Variants in METAP2 observed in about 807,000 individuals in gnomAD.
METAP2 encodes the protein methionyl aminopeptidase 2.
Under a neutral mutation model 59.4 loss-of-function variants are expected in METAP2, and 25 were observed. The ratio of observed to expected loss-of-function variants is 0.42; its 90% confidence interval spans 0.31 to 0.59. The LOEUF is 0.59. METAP2 is among the 20% of genes least tolerant of loss of function. The pLI is 0.16. For missense variants in METAP2, 366 were observed against 581.2 expected, an observed-to-expected ratio of 0.63 and a Z score of 3.81; for synonymous variants, 214 against 194.1, an observed-to-expected ratio of 1.10 and a Z score of -0.85.
At chr12:95,510,636 C>T (rs2076395575) in intron 8 of METAP2, among the ~76,000 whole-genome samples, 1 of 152,190 alleles carries the variant, frequency 6.6e-6, no homozygotes, top group South Asian at 2.1e-4. Context: ...TTGGGGGATA[C>T]ATTCAAACCA....
intron 2 of METAP2, among the ~76,000 whole-genome samples, chr12:95,479,172 A>G (rs994963873): frequency 6.6e-6 from 1 of 152,220 alleles, no homozygotes; most frequent in Admixed American, 6.5e-5. Flanking sequence ...GGCAAGGAGG[A>G]GATCATTTTG....
intron 7 of METAP2, among the ~76,000 whole-genome samples, chr12:95,500,891 A>T (rs1000942871): frequency 1.3e-5 from 2 of 152,016 alleles, no homozygotes; most frequent in African/African-American, 4.8e-5. Flanking sequence ...TCATGTAATG[A>T]CTTAGAAAGT....
chr12:95,512,837 A>G lies in METAP2; in HGVS notation c.1105A>G (p.Thr369Ala). 1 of 1,612,688 alleles carries G rather than the reference A, an allele frequency of 6.2e-7. No homozygotes were observed. Among genetic ancestry groups the G allele is most frequent in the Non-Finnish European group, 8.5e-7 (1 of 1,178,896 alleles). The change falls in exon 10 of 11, where the codon ACA becomes GCA. Residue 369 changes from threonine to alanine, a missense_variant. Physicochemically the swap from Thr to Ala is moderately conservative, Grantham distance 58. This residue lies in a region of METAP2 where 82 missense variants were observed against 156.2 expected (regional missense o/e 0.52). Coordinates refer to ENST00000323666, the MANE Select transcript of METAP2 (RefSeq NM_006838.4). ...EVYAIETFGS[T>A]GKGVVHDDME... ...ATATGCAATTGAAACCTTTGGTAGTACAGGAAAAGGTGTTGTTCATGATGA... is the reference window on the plus strand; with the variant it reads ...ATATGCAATTGAAACCTTTGGTAGTGCAGGAAAAGGTGTTGTTCATGATGA...
intron 8 of METAP2, among the ~76,000 whole-genome samples, chr12:95,509,792 A>C (rs1465182132): frequency 6.6e-6 from 1 of 151,140 alleles, no homozygotes; most frequent in Non-Finnish European, 1.5e-5. Flanking sequence ...AAGGTAGCTC[A>C]TACTGAGGAT....
At chr12:95,477,096 T>C (rs2076125476) in intron 2 of METAP2, among the ~76,000 whole-genome samples, 1 of 151,178 alleles carries the variant, frequency 6.6e-6, no homozygotes, top group African/African-American at 2.4e-5. Context: ...TTGTTCCTTT[T>C]ACTCTCTATT....
chr12:95,482,616 TAAAAAAA>T (rs55652210), intron 2 of METAP2, among the ~76,000 whole-genome samples: 7 of 130,116 alleles, frequency 5.4e-5, no homozygotes, highest in Admixed American at 3.1e-4. Flanking sequence ...CCATCTCTAC[TAAAAAAA>T]AAAAAAAAAA....
rs535720646 is a variant in METAP2, at chr12:95,493,869, A to G, written c.429-187A>G. 3.9e-5 allele frequency among the ~76,000 whole-genome samples: 6 copies of G among 152,360 alleles called. No individual in the cohort carries two copies. The East Asian group carries it at 9.6e-4, about 24-fold the overall frequency. ...GTTTTTTTCCCTCCCTTAGAGTCTT[A>G]AAAAGTTTTTAATTTCATTTGAGTT... is the stretch of plus-strand genomic sequence containing the variant. On this transcript the variant is annotated intron_variant, in intron 4 of 10. Coordinates refer to ENST00000323666, the MANE Select transcript of METAP2 (RefSeq NM_006838.4).
At chr12:95,505,783 C>T (rs2140162075) in intron 8 of METAP2, among the ~76,000 whole-genome samples, 1 of 151,870 alleles carries the variant, frequency 6.6e-6, no homozygotes, top group Admixed American at 6.5e-5. Flanking sequence ...GCATGAGCCA[C>T]CGTGCCCAAC....
At chr12:95,502,161 C>T (rs2076321079) in intron 7 of METAP2, among the ~76,000 whole-genome samples, 1 of 151,964 alleles carries the variant, frequency 6.6e-6, no homozygotes, top group East Asian at 1.9e-4. Context: ...TGCCACAATA[C>T]CTTGCTAATT....
rs555267583 is a variant in METAP2, at chr12:95,476,586, A to G, written c.259+408A>G. Among the ~76,000 whole-genome samples the G allele has an allele frequency of 2.7e-4, 41 of 151,732 alleles. 1 individual carries two copies. The South Asian group carries it at 7.5e-3, about 28-fold the overall frequency. ...CCTTAATCAAAATTTATTTACTCGT[A>G]TAGTGTTTTCTCTGACATTTCACTT... On this transcript the variant is annotated intron_variant, in intron 2 of 10. Coordinates refer to ENST00000323666, the MANE Select transcript of METAP2 (RefSeq NM_006838.4).
intron 7 of METAP2, among the ~76,000 whole-genome samples, chr12:95,498,779 C>T (rs66713976): frequency 0.087 from 13,257 of 152,074 alleles, 822 homozygotes; most frequent in African/African-American, 0.17. Flanking sequence ...TTTTGGAGTC[C>T]GAGGTGGGAG....
At chr12:95,478,902 A>G (rs1335796258) in intron 2 of METAP2, among the ~76,000 whole-genome samples, 2 of 151,918 alleles carry the variant, frequency 1.3e-5, no homozygotes, top group East Asian at 3.9e-4. Context: ...AGGGAGCCTT[A>G]GAGGATTTTT....
chr12:95,506,166 C>G (rs957386196), intron 8 of METAP2, among the ~76,000 whole-genome samples: 8 of 151,974 alleles, frequency 5.3e-5, no homozygotes, highest in Non-Finnish European at 1.2e-4. Flanking sequence ...TGCAGCCCAA[C>G]CCCCTTGCTC....
intron 8 of METAP2, among the ~76,000 whole-genome samples, chr12:95,505,714 C>T (rs942548086): frequency 1.3e-5 from 2 of 150,778 alleles, no homozygotes; most frequent in South Asian, 2.2e-4. Flanking sequence ...AGGCTGGTCT[C>T]GAACTCCAGA....
At chr12:95,483,463 G>A (rs1467754996) in intron 3 of METAP2, 183 bp downstream of exon 3, 2 of 197,438 alleles carry the variant, frequency 1.0e-5, no homozygotes, top group Non-Finnish European at 1.9e-5. Flanking sequence ...GCAACAGAGT[G>A]AGACTCTGTC....
At chr12:95,479,356 C>A (rs301013) in intron 2 of METAP2, among the ~76,000 whole-genome samples, 29,104 of 151,996 alleles carry the variant, frequency 0.19, 3,130 homozygotes, top group African/African-American at 0.28. Flanking sequence ...TGGGAGTTTG[C>A]ACTTGGGTGA....
At chr12:95,501,410 C>A (rs995064540) in intron 7 of METAP2, among the ~76,000 whole-genome samples, 19 of 152,206 alleles carry the variant, frequency 1.2e-4, no homozygotes, top group African/African-American at 4.6e-4. Context: ...AATAATAATA[C>A]TAGCTTTTAG....
At chr12:95,481,966 A>G (rs1420680793) in intron 2 of METAP2, among the ~76,000 whole-genome samples, 1 of 152,242 alleles carries the variant, frequency 6.6e-6, no homozygotes, top group Non-Finnish European at 1.5e-5. Flanking sequence ...TTAAGAGCCC[A>G]ACAAACATTT....
chr12:95,486,054 T>C, intron 4 of METAP2, 73 bp downstream of exon 4: 1 of 1,085,934 alleles, frequency 9.2e-7, no homozygotes. Context: ...ATTTGACATT[T>C]CTCAGAACTT....
Sources: allele counts gnomAD v4.1 joint callset (sites outside exome capture counted in the v4.1 genomes callset), GRCh38; gene constraint gnomAD v4.1.1; regional missense constraint gnomAD v4.1.1; transcripts MANE v1.5; gene names NCBI Gene and HGNC (gene_info 2026-07-23, HGNC 2026-07-21).